Variants in KIAA0408 observed in about 807,000 individuals in gnomAD.
KIAA0408 encodes uncharacterized protein KIAA0408.
Under a neutral mutation model 60.9 loss-of-function variants are expected in KIAA0408, and 51 were observed. The observed-to-expected ratio is 0.84, with a 90% CI of 0.67 to 1.06. The LOEUF is 1.06. Ranked by LOEUF, KIAA0408 falls within the 50% of genes least tolerant of loss-of-function variation. KIAA0408 has a pLI of 0.00. For synonymous variants in KIAA0408, 304 were observed against 282.4 expected (o/e 1.08, Z -0.77); for missense variants, 787 against 833.9 (o/e 0.94, Z 0.69).
chr6:127,448,566 T>TA (rs1202940210), intron 4 of KIAA0408, among the ~76,000 whole-genome samples: 2 of 151,756 alleles, frequency 1.3e-5, no homozygotes, highest in African/African-American at 4.8e-5. Context: ...TTATATTAAA[T>TA]AAAAAACTAA....
Position 127,447,631 on chromosome 6 carries a change from C to T in KIAA0408, c.688G>A (p.Glu230Lys). ...QCILPISLEK[E>K]KQKNRKNLSC... is the part of the protein sequence containing the mutation. Reference sequence around the variant, plus strand: ...AGATTCTTCCTGTTTTTCTGTTTTTCTTTTTCTAAACTGATTGGAAGAATG... The same window carrying T: ...AGATTCTTCCTGTTTTTCTGTTTTTTTTTTTCTAAACTGATTGGAAGAATG... Residue 230 changes from glutamate (E) to lysine (K), a missense_variant, in exon 5 of 6, where the codon GAA becomes AAA. Transcript: ENST00000483725. 1 of 1,612,456 alleles carries T rather than the reference C, an allele frequency of 6.2e-7. No individual in the cohort carries two copies. Among genetic ancestry groups the T allele is most frequent in the Non-Finnish European group, 8.5e-7 (1 of 1,179,508 alleles).
intron 1 of KIAA0408, among the ~76,000 whole-genome samples, chr6:127,454,692 G>A (rs192889472): frequency 6.0e-4 from 92 of 152,124 alleles, no homozygotes; most frequent in African/African-American, 2.2e-3. Flanking sequence ...TATTCATTAT[G>A]TCACTTCATC....
At chr6:127,449,966 C>G in intron 3 of KIAA0408, 24 bp downstream of exon 3, 1 of 1,613,714 alleles carries the variant, frequency 6.2e-7, no homozygotes, top group Non-Finnish European at 8.5e-7. Context: ...AGAAACAGTT[C>G]TAGGCCAATC....
intron 2 of KIAA0408, among the ~76,000 whole-genome samples, chr6:127,453,245 C>T (rs368213246): frequency 3.3e-5 from 5 of 151,964 alleles, no homozygotes; most frequent in South Asian, 2.1e-4. Context: ...GGAGGGTTAA[C>T]GGGAACAAAA....
intron 5 of KIAA0408, 107 bp downstream of exon 5, chr6:127,446,301 C>A (rs1773191929): frequency 6.6e-7 from 1 of 1,506,686 alleles, no homozygotes; most frequent in Non-Finnish European, 8.8e-7. Flanking sequence ...TAAGAAGAGT[C>A]CAAAACTTGT....
intron 2 of KIAA0408, chr6:127,451,454 T>C: frequency 2.8e-6 from 1 of 361,274 alleles, no homozygotes; most frequent in South Asian, 2.2e-5. Context: ...ACTGAACTTC[T>C]GCGGGCATTA....
chr6:127,441,251 C>A lies in KIAA0408; in HGVS notation c.*2858G>T, dbSNP rs1773103679. On this transcript the variant is annotated 3_prime_UTR_variant, in exon 6 of 6. Coordinates refer to ENST00000483725, the MANE Select transcript of KIAA0408 (RefSeq NM_014702.5). ...AGTAAATAATATTTTATGGCCACAT[C>A]TGCAAAATGAAATATGATCATCTTC... 6.6e-6 allele frequency: 1 copy of A among 152,530 alleles called. No individual in the cohort carries two copies. Among genetic ancestry groups the A allele is most frequent in the African/African-American group, 2.4e-5 (1 of 41,418 alleles). The allele number at this position is 152,530 out of a possible 1,614,324, so 9.4% of individuals were successfully genotyped here. A position where few individuals can be genotyped will look rare whatever the true frequency, so the allele number is the denominator to read the frequency against.
rs994281164 is a variant in KIAA0408, at chr6:127,442,798, T to A, written c.*1311A>T. The A allele has an allele frequency of 6.6e-6, 1 of 152,178 alleles. No individual in the cohort carries two copies. The highest frequency in any genetic ancestry group is 1.5e-5 in the Non-Finnish European group (1 of 68,034). 9.4% of individuals were successfully genotyped at this position (152,178 alleles called of 1,614,324 possible). A position where few individuals can be genotyped will look rare whatever the true frequency, so the allele number is the denominator to read the frequency against. On this transcript the variant is annotated 3_prime_UTR_variant, in exon 6 of 6. Coordinates refer to ENST00000483725, the MANE Select transcript of KIAA0408 (RefSeq NM_014702.5). The stretch of plus-strand genomic sequence containing the variant: ...GTTAATATCTAATAACATAACATAA[T>A]TGGTTTTATATAGTGACAGTAGAGA...
chr6:127,458,569 T>G (rs535879811), intron 1 of KIAA0408, among the ~76,000 whole-genome samples: 1 of 152,282 alleles, frequency 6.6e-6, no homozygotes, highest in African/African-American at 2.4e-5. Context: ...AAACATTTGG[T>G]TTGAGTAAAC....
At chr6:127,456,252 T>C (rs943851450) in intron 1 of KIAA0408, among the ~76,000 whole-genome samples, 1 of 152,200 alleles carries the variant, frequency 6.6e-6, no homozygotes, top group Non-Finnish European at 1.5e-5. Flanking sequence ...CCATGTTTTA[T>C]CCCAACTGTC....
chr6:127,452,670 T>G (rs936435065), intron 2 of KIAA0408, among the ~76,000 whole-genome samples: 3 of 152,116 alleles, frequency 2.0e-5, no homozygotes, highest in African/African-American at 7.2e-5. Context: ...GAGACTGTTA[T>G]GAACTGAACT....
Position 127,446,615 on chromosome 6 carries a change from T to C in KIAA0408, c.1704A>G (p.Lys568=), listed in dbSNP as rs368021660. Reference sequence around the variant, plus strand: ...CAGACTCTGTTGCTGTCTCATAGGTTTTCAGCAGCTTTTCCACAACACCAT... The same window carrying C: ...CAGACTCTGTTGCTGTCTCATAGGTCTTCAGCAGCTTTTCCACAACACCAT... ...SNYGVVEKLL[K]TYETATESAL... Residue 568 remains lysine (K), a synonymous_variant, in exon 5 of 6, where the codon AAA becomes AAG. Coordinates refer to ENST00000483725, the MANE Select transcript of KIAA0408 (RefSeq NM_014702.5). The C allele has an allele frequency of 1.2e-6, 2 of 1,614,114 alleles. No individual in the cohort carries two copies. The highest frequency in any genetic ancestry group is 2.2e-5 in the South Asian group (2 of 91,084).
intron 5 of KIAA0408, 129 bp downstream of exon 5, chr6:127,446,279 G>C (rs1195265598): frequency 6.9e-7 from 1 of 1,443,590 alleles, no homozygotes; most frequent in Non-Finnish European, 9.2e-7. Context: ...TTTACAAACA[G>C]GGTCAAGAGG....
At chr6:127,447,841 G>C in intron 4 of KIAA0408, 101 bp from the exon 5 acceptor site, 1 of 1,384,024 alleles carries the variant, frequency 7.2e-7, no homozygotes, top group Non-Finnish European at 9.5e-7. Context: ...TATAAGAAAA[G>C]GATTCACAAC....
Position 127,447,557 on chromosome 6 carries a change from A to G in KIAA0408, c.762T>C (p.Ile254=). 1 of 1,611,304 alleles carries G rather than the reference A, an allele frequency of 6.2e-7. No homozygotes were observed. Among genetic ancestry groups the G allele is most frequent in the Non-Finnish European group, 8.5e-7 (1 of 1,179,294 alleles). The part of the protein sequence containing the change: ...LQSNSTKKCG[I]DTIDLKRNET... The stretch of plus-strand genomic sequence containing the variant: ...CATTTCTTTTTAAATCGATTGTATC[A>G]ATTCCACATTTTTTCGTAGAATTGC... The change falls in exon 5 of 6, where the codon ATT becomes ATC. Residue 254 remains isoleucine (I), a synonymous_variant. Coordinates refer to ENST00000483725, the MANE Select transcript of KIAA0408 (RefSeq NM_014702.5).
chr6:127,458,206 C>A (rs1773428487), intron 1 of KIAA0408, among the ~76,000 whole-genome samples: 1 of 152,184 alleles, frequency 6.6e-6, no homozygotes. Context: ...CTCCTAAATT[C>A]TCTATCCCTT....
In KIAA0408 at chr6:127,459,165, A is replaced by G. The variant is rs1161248937; in HGVS notation, c.-121+10T>C. 1 of 152,276 alleles carries G rather than the reference A, an allele frequency of 6.6e-6. No homozygotes were observed. The highest frequency in any genetic ancestry group is 6.5e-5 in the Admixed American group (1 of 15,284). 9.4% of individuals were successfully genotyped at this position (152,276 alleles called of 1,614,324 possible). A position where few individuals can be genotyped will look rare whatever the true frequency, so the allele number is the denominator to read the frequency against. Reference sequence around the variant, plus strand: ...TCACTTGCTTGTAAACTTGCCGGAAAGAAACATACCTTTCACACTGGGGAG... The same window carrying G: ...TCACTTGCTTGTAAACTTGCCGGAAGGAAACATACCTTTCACACTGGGGAG... On this transcript the variant is annotated intron_variant, in intron 1 of 5. Transcript: ENST00000483725.
Position 127,447,664 on chromosome 6 carries a change from C to A in KIAA0408, c.655G>T (p.Asp219Tyr). 3 of 1,600,210 alleles carry A rather than the reference C, an allele frequency of 1.9e-6. No individual in the cohort carries two copies. The highest frequency in any genetic ancestry group is 1.1e-5 in the South Asian group (1 of 87,834). Reference protein sequence around the residue: ...IPHGDPMINNDQCILPISLEK... With the variant: ...IPHGDPMINNYQCILPISLEK... ...AAACTGATTGGAAGAATGCACTGGTCATTGTTGATCATGGGGTCCCCATGA... is the reference window on the plus strand; with the variant it reads ...AAACTGATTGGAAGAATGCACTGGTAATTGTTGATCATGGGGTCCCCATGA... The change falls in exon 5 of 6, where the codon GAC becomes TAC. Residue 219 changes from aspartate to tyrosine, a missense_variant. Around this residue, in one of 3 missense-constraint regions of KIAA0408, gnomAD observed 640 missense variants for 681.3 expected, o/e 0.94. Coordinates refer to ENST00000483725, the MANE Select transcript of KIAA0408 (RefSeq NM_014702.5).
chr6:127,455,894 T>A (rs982306), intron 1 of KIAA0408, among the ~76,000 whole-genome samples: 2 of 151,944 alleles, frequency 1.3e-5, no homozygotes, highest in Non-Finnish European at 2.9e-5. Context: ...ACAAATAAAA[T>A]AAAGATGGTA....
Sources: gnomAD v4.1 joint callset for allele counts (sites outside exome capture counted in the v4.1 genomes callset) on GRCh38, gnomAD v4.1.1 for gene constraint, gnomAD v4.1.1 regional missense constraint, MANE v1.5 for transcripts, NCBI Gene and HGNC (gene_info 2026-07-23, HGNC 2026-07-21) for gene names.